UGCG: variants seen among roughly 807,000 people sequenced by gnomAD.
UGCG encodes ceramide glucosyltransferase.
UGCG carries 10 observed loss-of-function variants against 49.5 expected under a neutral mutation model. That is an observed-to-expected ratio of 0.20 (90% CI 0.12 to 0.34). UGCG has a LOEUF of 0.34. UGCG is among the 10% of genes least tolerant of loss of function. The pLI, the probability that UGCG is intolerant of heterozygous loss-of-function variation, is 1.00. For missense variants in UGCG, 312 were observed against 483.7 expected, an observed-to-expected ratio of 0.65 and a Z score of 3.33; for synonymous variants, 182 against 158.2, an observed-to-expected ratio of 1.15 and a Z score of -1.13.
At chr9:111,915,093 AAGC>A (rs1838088723) in intron 2 of UGCG, 1 of 181,756 alleles carries the variant, frequency 5.5e-6, no homozygotes, top group South Asian at 1.3e-4. Flanking sequence ...GAGAGGGAGA[AAGC>A]AGTGTTAGTG....
At chr9:111,925,771 A>G (rs1305928716) in intron 4 of UGCG, among the ~76,000 whole-genome samples, 1 of 152,282 alleles carries the variant, frequency 6.6e-6, no homozygotes, top group Non-Finnish European at 1.5e-5. Context: ...TTATTAGCTT[A>G]AAATGCAAAT....
intron 2 of UGCG, among the ~76,000 whole-genome samples, chr9:111,919,794 C>CAAA (rs61089422): frequency 0.029 from 2,197 of 76,204 alleles, 25 homozygotes; most frequent in Non-Finnish European, 0.043. Flanking sequence ...GACTCCATCT[C>CAAA]AAAAAAAAAA....
chr9:111,932,046 A>C, intron 7 of UGCG, 124 bp from the exon 8 acceptor site: 1 of 1,095,164 alleles, frequency 9.1e-7, no homozygotes, highest in African/African-American at 1.6e-5. Context: ...ACAAAACAAA[A>C]AAAGTTTAAA....
intron 5 of UGCG, chr9:111,929,224 T>C: frequency 3.4e-6 from 1 of 297,252 alleles, no homozygotes; most frequent in East Asian, 8.3e-5. Context: ...ACAAGATACA[T>C]TGAATATTTG....
chr9:111,899,307 A>G (rs1006948730), intron 1 of UGCG, among the ~76,000 whole-genome samples: 3 of 152,228 alleles, frequency 2.0e-5, no homozygotes, highest in Non-Finnish European at 4.4e-5. Context: ...TCCTGGTAAC[A>G]TTGTATGATG....
intron 1 of UGCG, among the ~76,000 whole-genome samples, chr9:111,908,475 T>G (rs1308528849): frequency 6.6e-6 from 1 of 152,232 alleles, no homozygotes; most frequent in Non-Finnish European, 1.5e-5. Flanking sequence ...CTAATACTGT[T>G]TTTTGATCTG....
At chr9:111,898,882 A>T (rs1268594168) in intron 1 of UGCG, among the ~76,000 whole-genome samples, 4 of 152,144 alleles carry the variant, frequency 2.6e-5, no homozygotes, top group Non-Finnish European at 5.9e-5. Flanking sequence ...ACCTGCTTTA[A>T]AGTTCATCTG....
At position 111,896,964 on chromosome 9, in the gene UGCG, A is replaced by G. The variant is rs1023161726; in HGVS notation, c.-252A>G. The G allele has an allele frequency of 2.0e-4, 43 of 210,322 alleles. No individual in the cohort carries two copies. Among genetic ancestry groups the G allele is most frequent in the African/African-American group, 9.2e-4 (38 of 41,182 alleles). 13.0% of individuals were successfully genotyped at this position (210,322 alleles called of 1,614,324 possible). On this transcript the variant is annotated 5_prime_UTR_variant, in exon 1 of 9. Transcript: ENST00000374279. Reference sequence around the variant, plus strand: ...GCGCGGGACCGCGGTCGCCCCGACCAGAGCCGGGAGACCGCAGCACCCGCA... The same window carrying G: ...GCGCGGGACCGCGGTCGCCCCGACCGGAGCCGGGAGACCGCAGCACCCGCA...
At chr9:111,909,082 C>G (rs1837945824) in intron 1 of UGCG, among the ~76,000 whole-genome samples, 1 of 152,146 alleles carries the variant, frequency 6.6e-6, no homozygotes, top group South Asian at 2.1e-4. Context: ...CCACGCCCAG[C>G]TAATTTTTCT....
At chr9:111,922,033 G>A (rs916962962) in intron 2 of UGCG, among the ~76,000 whole-genome samples, 2 of 151,150 alleles carry the variant, frequency 1.3e-5, no homozygotes, top group East Asian at 2.0e-4. Flanking sequence ...GGCTCCTCTC[G>A]AGCACCTAGG....
At position 111,926,500 on chromosome 9, in the gene UGCG, A is replaced by T. The variant is rs1324051597; in HGVS notation, c.558+4A>T. The T allele has an allele frequency of 6.3e-7, 1 of 1,595,534 alleles. No individual in the cohort carries two copies. ...CTTTGCTGCCACCTTAGAGCAGGTGAGTATGGTGGTTATAAATCATGTTCA... is the reference window on the plus strand; with the variant it reads ...CTTTGCTGCCACCTTAGAGCAGGTGTGTATGGTGGTTATAAATCATGTTCA... On this transcript the variant is annotated splice_donor_region_variant and intron_variant, in intron 5 of 8. Transcript: ENST00000374279.
At chr9:111,905,750 G>A (rs973068439) in intron 1 of UGCG, among the ~76,000 whole-genome samples, 1 of 152,012 alleles carries the variant, frequency 6.6e-6, no homozygotes, top group East Asian at 1.9e-4. Flanking sequence ...CACTGAGCCC[G>A]GCCTCTCCTT....
In UGCG at chr9:111,931,366, A is replaced by G. The variant is rs778096699; in HGVS notation, c.824+9A>G. ...CAATCCAGAATGATCAGGTAAATCA[A>G]CTGTTTTCTTTTTATACTTCGTTAA... is the stretch of plus-strand genomic sequence containing the variant. On this transcript the variant is annotated intron_variant, in intron 7 of 8. Coordinates refer to ENST00000374279, the MANE Select transcript of UGCG (RefSeq NM_003358.3). The G allele has an allele frequency of 1.2e-6, 2 of 1,612,688 alleles. No homozygotes were observed. Among genetic ancestry groups the G allele is most frequent in the East Asian group, 4.5e-5 (2 of 44,830 alleles).
chr9:111,916,690 T>C (rs1356911855), intron 2 of UGCG, among the ~76,000 whole-genome samples: 1 of 151,654 alleles, frequency 6.6e-6, no homozygotes, highest in Non-Finnish European at 1.5e-5. Flanking sequence ...GGTCTTGAAC[T>C]CTTGGGCTCA....
intron 1 of UGCG, among the ~76,000 whole-genome samples, chr9:111,909,465 C>A (rs185438337): frequency 6.6e-6 from 1 of 152,172 alleles, no homozygotes; most frequent in East Asian, 1.9e-4. Context: ...ACCTGTGGAA[C>A]GATTCTCCAG....
At chr9:111,903,291 G>A (rs1336364230) in intron 1 of UGCG, among the ~76,000 whole-genome samples, 4 of 152,132 alleles carry the variant, frequency 2.6e-5, no homozygotes, top group African/African-American at 9.7e-5. Context: ...CAGACAGGGC[G>A]TGGTGGCTCA....
intron 2 of UGCG, among the ~76,000 whole-genome samples, chr9:111,920,883 C>T (rs886155899): frequency 3.3e-5 from 5 of 151,348 alleles, no homozygotes; most frequent in Admixed American, 6.6e-5. Context: ...TAAAAATGTT[C>T]GACCAGTTTT....
chr9:111,923,028 T>A, intron 3 of UGCG, 77 bp downstream of exon 3: 1 of 922,442 alleles, frequency 1.1e-6, no homozygotes, highest in Non-Finnish European at 1.6e-6. Context: ...GAACTGAAGA[T>A]TAAGGTGTTA....
intron 1 of UGCG, among the ~76,000 whole-genome samples, chr9:111,912,029 G>T (rs1224342738): frequency 1.2e-4 from 8 of 64,584 alleles, no homozygotes; most frequent in African/African-American, 2.4e-4. Flanking sequence ...TATTCAACAG[G>T]ATATATATAT....
Sources: gnomAD v4.1 joint callset for allele counts (sites outside exome capture counted in the v4.1 genomes callset) on GRCh38, gnomAD v4.1.1 for gene constraint, MANE v1.5 for transcripts, NCBI Gene and HGNC (gene_info 2026-07-23, HGNC 2026-07-21) for gene names.